ANKRD44: variants seen among roughly 807,000 people sequenced by gnomAD.
ANKRD44 encodes the protein serine/threonine-protein phosphatase 6 regulatory ankyrin repeat subunit B.
ANKRD44 carries 35 observed loss-of-function variants against 116.0 expected under a neutral mutation model. The observed-to-expected ratio is 0.30, with a 90% CI of 0.23 to 0.40. ANKRD44 has a LOEUF of 0.40. ANKRD44 is among the 10% of genes least tolerant of loss of function. ANKRD44 has a pLI of 1.00. For missense variants in ANKRD44, 1,014 were observed against 1,242.6 expected (o/e 0.82, Z 2.77); for synonymous variants, 435 against 461.8 (o/e 0.94, Z 0.74).
intron 14 of ANKRD44, among the ~76,000 whole-genome samples, chr2:197,082,740 T>C (rs936816983): frequency 6.6e-6 from 1 of 152,212 alleles, no homozygotes; most frequent in Non-Finnish European, 1.5e-5. Flanking sequence ...AGTATTCCTA[T>C]GAAGGAAGCC....
intron 1 of ANKRD44, among the ~76,000 whole-genome samples, chr2:197,216,869 A>AACACACACACACAC (rs61641385): frequency 0.05 from 7,007 of 139,704 alleles, 267 homozygotes; most frequent in African/African-American, 0.084. Flanking sequence ...ACATTGGTTA[A>AACACACACACACAC]ACACACACAC....
chr2:197,297,973 G>A (rs1287451530), intron 1 of ANKRD44, among the ~76,000 whole-genome samples: 1 of 152,122 alleles, frequency 6.6e-6, no homozygotes, highest in African/African-American at 2.4e-5. Flanking sequence ...GTCACAGCTG[G>A]CCACTTCTTA....
At chr2:197,246,076 G>A (rs1384025936) in intron 1 of ANKRD44, among the ~76,000 whole-genome samples, 1 of 152,180 alleles carries the variant, frequency 6.6e-6, no homozygotes, top group East Asian at 1.9e-4. Flanking sequence ...TGAAGACCAG[G>A]CTTTGAAGAA....
intron 2 of ANKRD44, among the ~76,000 whole-genome samples, chr2:197,159,404 T>G (rs2079902371): frequency 6.6e-6 from 1 of 152,240 alleles, no homozygotes; most frequent in Non-Finnish European, 1.5e-5. Flanking sequence ...TTCCTCACTT[T>G]CTACTTTGTT....
chr2:197,025,162 T>C, intron 17 of ANKRD44, 34 bp downstream of exon 17: 2 of 1,589,820 alleles, frequency 1.3e-6, no homozygotes, highest in Non-Finnish European at 1.7e-6. Flanking sequence ...GTTGTTTTTG[T>C]AACAGGTGAA....
At chr2:197,270,114 T>A (rs1419845357) in intron 1 of ANKRD44, among the ~76,000 whole-genome samples, 1 of 152,060 alleles carries the variant, frequency 6.6e-6, no homozygotes, top group East Asian at 1.9e-4. Flanking sequence ...CCAAATGTCC[T>A]CAAGGATGGG....
chr2:197,043,454 C>G (rs13013812), intron 16 of ANKRD44, among the ~76,000 whole-genome samples: 88,412 of 151,970 alleles, frequency 0.58, 28,925 homozygotes, highest in East Asian at 0.84. Context: ...GTGATCCTCC[C>G]ACCTCAGCCT....
intron 4 of ANKRD44, among the ~76,000 whole-genome samples, chr2:197,128,457 C>A (rs1225155495): frequency 1.3e-5 from 2 of 152,156 alleles, no homozygotes; most frequent in Admixed American, 1.3e-4. Context: ...ACTGCCTGTT[C>A]ATGTACTTTG....
chr2:197,244,668 C>T (rs999074376), intron 1 of ANKRD44, among the ~76,000 whole-genome samples: 2 of 152,166 alleles, frequency 1.3e-5, no homozygotes, highest in Non-Finnish European at 2.9e-5. Flanking sequence ...GCTCAGCTTA[C>T]GATTATTCAC....
At chr2:197,260,126 C>T (rs905507994) in intron 1 of ANKRD44, among the ~76,000 whole-genome samples, 80 of 152,092 alleles carry the variant, frequency 5.3e-4, no homozygotes, top group Non-Finnish European at 1.8e-4. Context: ...GGTACATGTG[C>T]ACAACGTGCA....
At chr2:197,305,884 A>G (rs1288788943) in intron 1 of ANKRD44, among the ~76,000 whole-genome samples, 3 of 151,114 alleles carry the variant, frequency 2.0e-5, no homozygotes, top group Non-Finnish European at 2.9e-5. Flanking sequence ...TTATCTCTTG[A>G]GTATACAGGC....
chr2:197,276,384 G>C (rs1469403952), intron 1 of ANKRD44, among the ~76,000 whole-genome samples: 1 of 151,062 alleles, frequency 6.6e-6, no homozygotes, highest in East Asian at 1.9e-4. Context: ...TGATTAATGA[G>C]ACATCTCTAT....
chr2:197,100,003 TCTCGTATCAA>T, intron 9 of ANKRD44, 73 bp from the exon 10 acceptor site: 1 of 1,327,002 alleles, frequency 7.5e-7, no homozygotes, highest in Admixed American at 2.0e-5. Flanking sequence ...TCTGCTAGTC[TCTCGTATCAA>T]CCAAATGTTG....
At chr2:197,072,020 G>C (rs2077568554) in intron 16 of ANKRD44, among the ~76,000 whole-genome samples, 1 of 149,708 alleles carries the variant, frequency 6.7e-6, no homozygotes, top group Non-Finnish European at 1.5e-5. Context: ...TTGTGACTGA[G>C]AGGGAGGGAG....
intron 1 of ANKRD44, among the ~76,000 whole-genome samples, chr2:197,210,071 A>G (rs886911363): frequency 6.6e-6 from 1 of 152,198 alleles, no homozygotes. Flanking sequence ...ATCACCTCTG[A>G]GTGAGTGAGG....
intron 1 of ANKRD44, among the ~76,000 whole-genome samples, chr2:197,215,618 T>C (rs1189799736): frequency 6.6e-6 from 1 of 152,218 alleles, no homozygotes; most frequent in African/African-American, 2.4e-5. Context: ...TTGAATACTA[T>C]GTATTGTTAA....
chr2:197,150,072 A>G (rs1197236582), intron 2 of ANKRD44, among the ~76,000 whole-genome samples: 1 of 152,104 alleles, frequency 6.6e-6, no homozygotes, highest in Non-Finnish European at 1.5e-5. Flanking sequence ...CTACTACTCC[A>G]TCTCAAAACA....
At chr2:197,092,774 G>A (rs1328004353) in intron 10 of ANKRD44, among the ~76,000 whole-genome samples, 2 of 152,182 alleles carry the variant, frequency 1.3e-5, no homozygotes, top group Non-Finnish European at 2.9e-5. Flanking sequence ...AACGGGCAGA[G>A]GGAGTTGGGG....
At position 197,126,869 on chromosome 2, in the gene ANKRD44, T is replaced by C. The variant is rs576405583; in HGVS notation, c.262-832A>G. 2.6e-4 allele frequency among the ~76,000 whole-genome samples: 40 copies of C among 151,938 alleles called. No homozygotes were observed. In the South Asian group the frequency reaches 8.3e-3, roughly 32 times the overall value. ...TGGTGTTGTGGACCTCTCTAAATCC[T>C]AGCTACTCAGGCGGCTGAAGTGGGA... is the stretch of plus-strand genomic sequence containing the variant. On this transcript the variant is annotated intron_variant, in intron 4 of 27. Transcript: ENST00000282272.
Sources: gnomAD v4.1 joint callset for allele counts (sites outside exome capture counted in the v4.1 genomes callset) on GRCh38, gnomAD v4.1.1 for gene constraint, MANE v1.5 for transcripts, NCBI Gene and HGNC (gene_info 2026-07-23, HGNC 2026-07-21) for gene names.